MFN2: variants seen among roughly 807,000 people sequenced by gnomAD.
MFN2 encodes the protein mitofusin 2, also known as mitofusin-2.
MFN2 carries 43 observed loss-of-function variants against 87.5 expected under a neutral mutation model. The ratio of observed to expected loss-of-function variants is 0.49; its 90% CI spans 0.38 to 0.63. The LOEUF (loss-of-function observed/expected upper bound fraction) is 0.63, where lower values mean the gene tolerates loss of function less well. Ranked by LOEUF, MFN2 falls within the 30% of genes least tolerant of loss-of-function variation. The probability of loss-of-function intolerance (pLI) is 0.00; values close to 1 mark genes in which losing one functional copy is unlikely to be tolerated. For synonymous variants in MFN2, 337 were observed against 359.9 expected, an observed-to-expected ratio of 0.94 and a Z score of 0.72; for missense variants, 743 against 972.8, an observed-to-expected ratio of 0.76 and a Z score of 3.14.
rs1639324997 is a variant in MFN2, at chr1:12,004,670, C to T, written c.1392+57C>T. 6.4e-7 allele frequency: 1 copy of T among 1,561,842 alleles called. No individual in the cohort carries two copies. Among genetic ancestry groups the T allele is most frequent in the Non-Finnish European group, 8.8e-7 (1 of 1,132,822 alleles). ...GGAGGCCCCCAAAAGTGATTCAACC[C>T]CTGTTGGTCTGGGTCAGGGCCCCCC... On this transcript the variant is annotated intron_variant, in intron 13 of 18. Transcript: ENST00000235329. The surrounding 1 kb of genome is among the most constrained non-coding windows in gnomAD (Gnocchi z 4.2).
At chr1:11,983,735 G>A (rs1409578989) in intron 2 of MFN2, among the ~76,000 whole-genome samples, 1 of 152,232 alleles carries the variant, frequency 6.6e-6, no homozygotes. Context: ...GGGGAACACA[G>A]GATGTGATAA....
chr1:11,984,510 T>C (rs1451522749), intron 2 of MFN2, among the ~76,000 whole-genome samples: 8 of 152,200 alleles, frequency 5.3e-5, no homozygotes, highest in Non-Finnish European at 1.2e-4. Context: ...ATTGTGGTAT[T>C]AGGATATTGG....
At position 12,003,680 on chromosome 1, in the gene MFN2, ATC is replaced by A. The variant is rs1340518340; in HGVS notation, c.1161-311_1161-310del. On this transcript the variant is annotated intron_variant, in intron 11 of 18. Coordinates refer to ENST00000235329, the MANE Select transcript of MFN2 (RefSeq NM_014874.4). This position sits in a 1 kb window ranked among gnomAD's most constrained non-coding sequence, Gnocchi z 4.1. The stretch of plus-strand genomic sequence containing the variant: ...ACTCCATCTCAAAAAAAAAAAAAAA[ATC>A]ATTTCTGTGATTACTAGTGAGGTTG... Among the ~76,000 whole-genome samples, 1 of 151,802 alleles carries A rather than the reference ATC, an allele frequency of 6.6e-6. No homozygotes were observed. The highest frequency in any genetic ancestry group is 1.5e-5 in the Non-Finnish European group (1 of 67,946).
Position 12,011,670 on chromosome 1 carries a change from G to T in MFN2, c.*105G>T. ...GTGTGGCTCCTGCCCCCTGGCCACT[G>T]CCAAGAGAATGAAGCACCCAGTCTC... On this transcript the variant is annotated 3_prime_UTR_variant, in exon 19 of 19. Coordinates refer to ENST00000235329, the MANE Select transcript of MFN2 (RefSeq NM_014874.4). 2.4e-6 allele frequency: 3 copies of T among 1,228,052 alleles called. No individual in the cohort carries two copies. The highest frequency in any genetic ancestry group is 3.6e-6 in the Non-Finnish European group (3 of 839,066). The allele number at this position is 1,228,052 out of a possible 1,614,324, so 76.1% of individuals were successfully genotyped here. A position where few individuals can be genotyped will look rare whatever the true frequency, so the allele number is the denominator to read the frequency against.
Position 12,004,263 on chromosome 1 carries a change from G to A in MFN2, c.1287+145G>A, listed in dbSNP as rs1053823759. 5 of 1,196,436 alleles carry A rather than the reference G, an allele frequency of 4.2e-6. No homozygotes were observed. Among genetic ancestry groups the A allele is most frequent in the Admixed American group, 4.0e-5 (2 of 49,730 alleles). The allele number at this position is 1,196,436 out of a possible 1,614,324, so 74.1% of individuals were successfully genotyped here. A position where few individuals can be genotyped will look rare whatever the true frequency, so the allele number is the denominator to read the frequency against. On this transcript the variant is annotated intron_variant, in intron 12 of 18. Coordinates refer to ENST00000235329, the MANE Select transcript of MFN2 (RefSeq NM_014874.4). The surrounding 1 kb of genome is among the most constrained non-coding windows in gnomAD (Gnocchi z 4.2). ...TCAAGAATACAGAGCTGCCGTTTGGGTTCCATTGTCGGGTTGTGTGATGCT... is the reference window on the plus strand; with the variant it reads ...TCAAGAATACAGAGCTGCCGTTTGGATTCCATTGTCGGGTTGTGTGATGCT...
chr1:12,000,829 C>T (rs1053108481), intron 8 of MFN2, among the ~76,000 whole-genome samples: 55 of 152,160 alleles, frequency 3.6e-4, no homozygotes, highest in African/African-American at 1.3e-3. Context: ...ACTATATAGG[C>T]TTAACAAGAG....
rs773424124 is a variant in MFN2 at position 12,002,052 on chromosome 1, A to G, written c.1109A>G (p.Glu370Gly). 4 of 1,614,234 alleles carry G rather than the reference A, an allele frequency of 2.5e-6. No individual in the cohort carries two copies. In the East Asian group the frequency reaches 8.9e-5, roughly 36 times the overall value. ...QHTVRAKQIA[E>G]AVRLIMDSLH... Reference sequence around the variant, plus strand: ...ACGGTCCGGGCCAAGCAGATTGCAGAGGCGGTTCGACTCATCATGGACTCC... The same window carrying G: ...ACGGTCCGGGCCAAGCAGATTGCAGGGGCGGTTCGACTCATCATGGACTCC... Residue 370 changes from glutamate to glycine, a missense_variant, in exon 11 of 19, where the codon GAG (glutamate) becomes GGG (glycine). Around this residue, in one of 3 missense-constraint regions of MFN2, gnomAD observed 571 missense variants for 670.7 expected, o/e 0.85. Coordinates refer to ENST00000235329, the MANE Select transcript of MFN2 (RefSeq NM_014874.4).
rs1464268222 is a variant in MFN2, at chr1:12,004,602, G to T, written c.1381G>T (p.Val461Phe). The change falls in exon 13 of 19, where the codon GTT becomes TTT. Residue 461 changes from valine (V) to phenylalanine (F), a missense_variant. By Grantham distance (50) the Val-to-Phe change is conservative. Coordinates refer to ENST00000235329, the MANE Select transcript of MFN2 (RefSeq NM_014874.4). This position sits in a 1 kb window ranked among gnomAD's most constrained non-coding sequence, Gnocchi z 4.2. ...CCACCCTTCTCCAGTAGTCCTCAAG[G>T]TTTATAAGAATGTGAGTCATGGAGC... ...DFHPSPVVLK[V>F]YKNELHRHIE... 6.2e-7 allele frequency: 1 copy of T among 1,614,018 alleles called. No homozygotes were observed.
chr1:12,006,411 T>G, intron 15 of MFN2, 127 bp from the exon 16 acceptor site: 1 of 1,270,128 alleles, frequency 7.9e-7, no homozygotes, highest in Admixed American at 1.9e-5. Context: ...AGTTGTCCCC[T>G]TTTTGCCTTT....
At chr1:11,995,519 G>A (rs542958603) in intron 4 of MFN2, among the ~76,000 whole-genome samples, 1 of 151,840 alleles carries the variant, frequency 6.6e-6, no homozygotes, top group South Asian at 2.1e-4. Context: ...TGTAGTCCCA[G>A]CTACTTGGGA....
chr1:12,006,953 T>G (rs1476226695), intron 16 of MFN2, 100 bp from the exon 17 acceptor site: 3 of 1,469,258 alleles, frequency 2.0e-6, no homozygotes, highest in Non-Finnish European at 2.9e-6. Context: ...ACATGAAGGC[T>G]CCTTGGCTGG....
intron 3 of MFN2, among the ~76,000 whole-genome samples, chr1:11,990,008 G>C (rs1638608626): frequency 6.6e-6 from 1 of 152,216 alleles, no homozygotes; most frequent in Non-Finnish European, 1.5e-5. Flanking sequence ...ATTGTCTGTG[G>C]AGACCCAGTA....
intron 3 of MFN2, among the ~76,000 whole-genome samples, chr1:11,990,708 G>A (rs573792044): frequency 1.8e-4 from 28 of 152,340 alleles, no homozygotes; most frequent in African/African-American, 6.5e-4. Context: ...TGTTTCTAAC[G>A]GGCAGGTAAC....
rs1246356887 is a variant in MFN2 at position 12,005,059 on chromosome 1, G to A, written c.1495+132G>A. On this transcript the variant is annotated intron_variant, in intron 14 of 18. Transcript: ENST00000235329. ...TGATGATTCAACTCGATACCTTCAG[G>A]TTCTGGGTACATGTTCTGAACTCAT... 4.0e-6 allele frequency: 3 copies of A among 758,072 alleles called. No homozygotes were observed. In the South Asian group the frequency reaches 4.5e-5, roughly 11 times the overall value. 47.0% of individuals were successfully genotyped at this position (758,072 alleles called of 1,614,324 possible). A position where few individuals can be genotyped will look rare whatever the true frequency, so the allele number is the denominator to read the frequency against.
rs11554508 is a variant in MFN2, at chr1:12,001,475, C to T, written c.891C>T (p.Ala297=). ...DELGVVDRSQ[A]GDRIFFVSAK... ...TGGGCGTGGTGGATCGATCCCAGGC[C>T]GGGGACCGCATCTTCTTTGTGTCTG... Residue 297 remains alanine (A), a synonymous_variant, in exon 9 of 19, where the codon GCC becomes GCT. Coordinates refer to ENST00000235329, the MANE Select transcript of MFN2 (RefSeq NM_014874.4). 1.0e-3 allele frequency: 1,645 copies of T among 1,614,066 alleles called. 1 individual carries two copies. The highest frequency in any genetic ancestry group is 1.1e-3 in the Non-Finnish European group (1,277 of 1,179,988).
Position 11,997,408 on chromosome 1 carries a change from G to A in MFN2, c.586G>A (p.Val196Ile). The A allele has an allele frequency of 2.5e-6, 4 of 1,614,096 alleles. No homozygotes were observed. Among genetic ancestry groups the A allele is most frequent in the South Asian group, 1.1e-5 (1 of 91,080 alleles). Residue 196 changes from valine (V) to isoleucine (I), a missense_variant, in exon 6 of 19, where the codon GTT becomes ATT. Val to Ile is a conservative substitution (Grantham distance 29). This residue lies in a region of MFN2 where 141 missense variants were observed against 278.9 expected (regional missense o/e 0.51). Coordinates refer to ENST00000235329, the MANE Select transcript of MFN2 (RefSeq NM_014874.4). Reference sequence around the variant, plus strand: ...GTGCCCACTTCTGAAGGATGACCTCGTTTTGATGGACAGGTAAGAGGGAGG... The same window carrying A: ...GTGCCCACTTCTGAAGGATGACCTCATTTTGATGGACAGGTAAGAGGGAGG... ...SKCPLLKDDLVLMDSPGIDVT... is the reference protein window; with the variant it reads ...SKCPLLKDDLILMDSPGIDVT...
chr1:12,009,463 C>CCTGGCTCAGGGCAGAGCTG (rs1639592373), intron 17 of MFN2, 129 bp from the exon 18 acceptor site: 8 of 1,336,622 alleles, frequency 6.0e-6, no homozygotes, highest in Non-Finnish European at 8.6e-6. Flanking sequence ...CCAAACCAGG[C>CCTGGCTCAGGGCAGAGCTG]CTGGCTCAGG....
intron 4 of MFN2, among the ~76,000 whole-genome samples, chr1:11,994,370 C>T (rs1638820149): frequency 6.6e-6 from 1 of 152,198 alleles, no homozygotes; most frequent in Non-Finnish European, 1.5e-5. Context: ...AGGCAGATCA[C>T]AAGGTCAGGA....
intron 10 of MFN2, 33 bp from the exon 11 acceptor site, chr1:12,001,949 C>T (rs1272676732): frequency 1.2e-6 from 2 of 1,614,114 alleles, no homozygotes; most frequent in Admixed American, 3.3e-5. Context: ...CCCTGGTGGC[C>T]CCCACCTCCC....
Sources: gnomAD v4.1 joint callset for allele counts (sites outside exome capture counted in the v4.1 genomes callset) on GRCh38, gnomAD v4.1.1 for gene constraint, gnomAD v4.1.1 regional missense constraint, Gnocchi (gnomAD v3.1) non-coding constraint, MANE v1.5 for transcripts, NCBI Gene and HGNC (gene_info 2026-07-23, HGNC 2026-07-21) for gene names.